Variants in ZNF385D observed in about 807,000 individuals in gnomAD.
The protein encoded by ZNF385D is zinc finger protein 659.
A neutral mutation model predicts 35.8 loss-of-function variants in ZNF385D; 15 were observed. The ratio of observed to expected loss-of-function variants is 0.42; its 90% confidence interval spans 0.28 to 0.64. ZNF385D has a LOEUF of 0.64. Ranked by LOEUF, ZNF385D falls within the 30% of genes least tolerant of loss-of-function variation. The pLI, the probability that ZNF385D is intolerant of heterozygous loss-of-function variation, is 0.23. For synonymous variants in ZNF385D, 212 were observed against 186.8 expected, an observed-to-expected ratio of 1.13 and a Z score of -1.10; for missense variants, 474 against 494.6, an observed-to-expected ratio of 0.96 and a Z score of 0.39.
intron 3 of ZNF385D, among the ~76,000 whole-genome samples, chr3:21,895,837 T>A (rs1257123212): frequency 1.3e-5 from 2 of 152,102 alleles, no homozygotes; most frequent in East Asian, 3.9e-4. Flanking sequence ...TCAAGGGATG[T>A]TAAGATCTTG....
At chr3:21,487,441 C>A (rs901231545) in intron 4 of ZNF385D, among the ~76,000 whole-genome samples, 2 of 152,066 alleles carry the variant, frequency 1.3e-5, no homozygotes, top group Non-Finnish European at 2.9e-5. Flanking sequence ...GTCTCTACTT[C>A]AAATTACAAA....
At chr3:21,854,758 G>C (rs1004964906) in intron 3 of ZNF385D, among the ~76,000 whole-genome samples, 1 of 151,640 alleles carries the variant, frequency 6.6e-6, no homozygotes, top group Non-Finnish European at 1.5e-5. Context: ...GCATTTAATA[G>C]GCACTTAATA....
intron 3 of ZNF385D, among the ~76,000 whole-genome samples, chr3:21,995,268 T>C (rs1041286927): frequency 1.3e-5 from 2 of 152,142 alleles, no homozygotes; most frequent in African/African-American, 4.8e-5. Flanking sequence ...AAGGCATGCA[T>C]AGGTGCCAGT....
At chr3:22,259,248 C>A (rs959351887) in intron 2 of ZNF385D, among the ~76,000 whole-genome samples, 1 of 151,822 alleles carries the variant, frequency 6.6e-6, no homozygotes, top group South Asian at 2.1e-4. Context: ...CATCTCTGAG[C>A]TTATCAGAAA....
intron 2 of ZNF385D, among the ~76,000 whole-genome samples, chr3:22,254,445 T>A (rs903218636): frequency 1.3e-5 from 2 of 151,900 alleles, no homozygotes; most frequent in African/African-American, 4.8e-5. Flanking sequence ...TGCATATTTT[T>A]TGACCTAGCA....
At chr3:21,822,176 A>G (rs916607238) in intron 3 of ZNF385D, among the ~76,000 whole-genome samples, 3 of 151,856 alleles carry the variant, frequency 2.0e-5, no homozygotes, top group African/African-American at 7.3e-5. Flanking sequence ...GATTCACGCC[A>G]TTCTCATGCC....
chr3:21,476,691 A>T (rs571694071), intron 4 of ZNF385D, among the ~76,000 whole-genome samples: 23 of 152,244 alleles, frequency 1.5e-4, no homozygotes, highest in African/African-American at 5.3e-4. Flanking sequence ...TTAAAAACTT[A>T]GATCAGAATT....
intron 2 of ZNF385D, among the ~76,000 whole-genome samples, chr3:22,216,008 T>C (rs1048152070): frequency 7.2e-5 from 11 of 151,982 alleles, no homozygotes; most frequent in Non-Finnish European, 1.6e-4. Context: ...ATGGAATTGC[T>C]CCCAGTTCTG....
At chr3:21,831,679 T>G (rs1322589844) in intron 3 of ZNF385D, among the ~76,000 whole-genome samples, 3 of 152,192 alleles carry the variant, frequency 2.0e-5, no homozygotes, top group African/African-American at 4.8e-5. Context: ...ACTGTTCTTC[T>G]GAGCACTGGG....
chr3:22,013,698 A>G (rs905013018), intron 3 of ZNF385D, among the ~76,000 whole-genome samples: 3 of 152,142 alleles, frequency 2.0e-5, no homozygotes, highest in African/African-American at 7.2e-5. Context: ...CCTGTTAATC[A>G]AAGTGTGAGT....
chr3:21,772,015 T>C (rs562200985), intron 3 of ZNF385D, among the ~76,000 whole-genome samples: 1 of 152,020 alleles, frequency 6.6e-6, no homozygotes, highest in East Asian at 1.9e-4. Flanking sequence ...CTGGGAAAAC[T>C]GGATATCTAC....
intron 3 of ZNF385D, among the ~76,000 whole-genome samples, chr3:21,971,302 A>T (rs1277859306): frequency 6.6e-6 from 1 of 152,100 alleles, no homozygotes; most frequent in Non-Finnish European, 1.5e-5. Context: ...GAAAAAACAA[A>T]AAGTTAGAAA....
At chr3:21,747,158 T>C (rs2069815493) in intron 1 of ZNF385D, among the ~76,000 whole-genome samples, 1 of 152,150 alleles carries the variant, frequency 6.6e-6, no homozygotes, top group Non-Finnish European at 1.5e-5. Context: ...GGCATTTTAA[T>C]GAAGAGAGTT....
intron 4 of ZNF385D, among the ~76,000 whole-genome samples, chr3:21,455,107 C>T (rs1308896022): frequency 6.6e-6 from 1 of 152,158 alleles, no homozygotes; most frequent in Non-Finnish European, 1.5e-5. Context: ...AATGGAAGAA[C>T]ATTCCACGCT....
chr3:21,606,393 C>A (rs1028095134), intron 2 of ZNF385D, among the ~76,000 whole-genome samples: 4 of 152,134 alleles, frequency 2.6e-5, no homozygotes, highest in Admixed American at 1.3e-4. Flanking sequence ...AGTAGATTTT[C>A]TTTTTCTTAT....
chr3:21,558,094 A>G (rs1156614021), intron 3 of ZNF385D, among the ~76,000 whole-genome samples: 3 of 147,044 alleles, frequency 2.0e-5, no homozygotes, highest in Admixed American at 2.0e-4. Flanking sequence ...TCAAAAAATC[A>G]GCTCCTGGAT....
intron 2 of ZNF385D, among the ~76,000 whole-genome samples, chr3:21,600,979 C>T (rs1258875753): frequency 6.6e-6 from 1 of 151,794 alleles, no homozygotes; most frequent in African/African-American, 2.4e-5. Context: ...AAAAAAAAAT[C>T]CTGACAAAAT....
rs555343052 is a variant in ZNF385D at position 22,205,163 on chromosome 3, G to T, written c.107-36128C>A. On this transcript the variant is annotated intron_variant, in intron 2 of 5. Coordinates refer to the ZNF385D transcript ENST00000494108. ...ATCCAATGAAGCTCCAAAATATCTG[G>T]CAGCACACTTTTCAGTGGAAACTTT... Among the ~76,000 whole-genome samples the T allele has an allele frequency of 1.4e-4, 21 of 151,996 alleles. No individual in the cohort carries two copies. In the South Asian group the frequency reaches 4.4e-3, roughly 32 times the overall value.
At chr3:22,137,603 T>C (rs2125697359) in intron 3 of ZNF385D, among the ~76,000 whole-genome samples, 1 of 152,252 alleles carries the variant, frequency 6.6e-6, no homozygotes, top group East Asian at 1.9e-4. Flanking sequence ...GAAAAGGCCT[T>C]TGACAAAATT....
Sources: gnomAD v4.1 joint callset for allele counts (sites outside exome capture counted in the v4.1 genomes callset) on GRCh38, gnomAD v4.1.1 for gene constraint, MANE v1.5 for transcripts, NCBI Gene and HGNC (gene_info 2026-07-23, HGNC 2026-07-21) for gene names.